The following LRRTM4 variants were observed in gnomAD, a reference collection of about 807,000 sequenced individuals.
LRRTM4 encodes leucine rich repeat transmembrane neuronal 4.
LRRTM4 carries 25 observed loss-of-function variants against 47.6 expected under a neutral mutation model. The ratio of observed to expected loss-of-function variants is 0.53; its 90% CI spans 0.38 to 0.73. The LOEUF is 0.73. LRRTM4 is among the 30% of genes least tolerant of loss of function. The probability of loss-of-function intolerance (pLI) is 0.00; values close to 1 mark genes in which losing one functional copy is unlikely to be tolerated. For synonymous variants in LRRTM4, 311 were observed against 269.5 expected (o/e 1.15, Z -1.51); for missense variants, 638 against 713.4 (o/e 0.89, Z 1.20).
At chr2:77,224,361 G>A (rs1459348870) in intron 3 of LRRTM4, among the ~76,000 whole-genome samples, 1 of 152,112 alleles carries the variant, frequency 6.6e-6, no homozygotes, top group Admixed American at 6.6e-5. Flanking sequence ...ATGACAAATG[G>A]GATGTAATTA....
chr2:77,419,456 A>G (rs1289272994), intron 3 of LRRTM4, among the ~76,000 whole-genome samples: 2 of 152,170 alleles, frequency 1.3e-5, no homozygotes, highest in African/African-American at 4.8e-5. Context: ...ATTCCCAAAT[A>G]CTTTTAATCA....
chr2:76,783,473 T>C (rs955299257), intron 3 of LRRTM4, among the ~76,000 whole-genome samples: 16 of 152,198 alleles, frequency 1.1e-4, no homozygotes, highest in African/African-American at 3.4e-4. Context: ...TGCCACATCA[T>C]GACCATCTAC....
chr2:76,930,144 T>C (rs751810705), intron 3 of LRRTM4, among the ~76,000 whole-genome samples: 5 of 152,146 alleles, frequency 3.3e-5, no homozygotes, highest in Non-Finnish European at 7.4e-5. Flanking sequence ...AACAAACCCA[T>C]AAAACTTGTC....
intron 3 of LRRTM4, among the ~76,000 whole-genome samples, chr2:77,504,883 A>G (rs926896631): frequency 6.6e-6 from 1 of 151,514 alleles, no homozygotes; most frequent in African/African-American, 2.4e-5. Flanking sequence ...CTTCAAAGAC[A>G]TAAAAGAAAA....
At chr2:77,201,504 C>T (rs1350063732) in intron 3 of LRRTM4, among the ~76,000 whole-genome samples, 2 of 152,052 alleles carry the variant, frequency 1.3e-5, no homozygotes, top group Non-Finnish European at 2.9e-5. Context: ...GTTGACAAAA[C>T]ATTTTCAGAA....
At chr2:76,940,237 C>A (rs1430976470) in intron 3 of LRRTM4, among the ~76,000 whole-genome samples, 2 of 152,016 alleles carry the variant, frequency 1.3e-5, no homozygotes, top group Admixed American at 1.3e-4. Flanking sequence ...ATCGAATCAA[C>A]CTAGAGGTCC....
chr2:77,133,459 T>G (rs959871080), intron 3 of LRRTM4, among the ~76,000 whole-genome samples: 3 of 152,220 alleles, frequency 2.0e-5, no homozygotes, highest in South Asian at 2.1e-4. Context: ...TCCAATTAAC[T>G]TTTTTAAAAA....
chr2:77,029,291 A>G (rs1678569012), intron 3 of LRRTM4, among the ~76,000 whole-genome samples: 2 of 151,932 alleles, frequency 1.3e-5, no homozygotes, highest in Non-Finnish European at 2.9e-5. Flanking sequence ...GTCCCACAAT[A>G]GGCCGTCTGC....
intron 3 of LRRTM4, among the ~76,000 whole-genome samples, chr2:76,921,928 T>C (rs894665540): frequency 6.6e-5 from 10 of 152,098 alleles, no homozygotes; most frequent in African/African-American, 2.4e-4. Context: ...AAAATCACTA[T>C]CTGAAGAGAT....
At chr2:76,948,291 T>C (rs1387763263) in intron 3 of LRRTM4, among the ~76,000 whole-genome samples, 1 of 151,886 alleles carries the variant, frequency 6.6e-6, no homozygotes, top group East Asian at 1.9e-4. Flanking sequence ...CCATAAATCC[T>C]GTTCAATATT....
chr2:76,888,924 A>C (rs1558716130), intron 3 of LRRTM4, among the ~76,000 whole-genome samples: 1 of 151,920 alleles, frequency 6.6e-6, no homozygotes, highest in African/African-American at 2.4e-5. Context: ...CAATTAAGAC[A>C]TGTTATGAAT....
intron 3 of LRRTM4, among the ~76,000 whole-genome samples, chr2:76,837,837 CA>C (rs1188326028): frequency 6.8e-6 from 1 of 146,594 alleles, no homozygotes; most frequent in African/African-American, 2.5e-5. Flanking sequence ...ATTGCAAGGA[CA>C]AAAAACCAAA....
Position 76,808,735 on chromosome 2 carries a change from G to C in LRRTM4, c.1552-59819C>G, listed in dbSNP as rs550258527. 1.6e-4 allele frequency among the ~76,000 whole-genome samples: 24 copies of C among 152,252 alleles called. No homozygotes were observed. In the South Asian group the frequency reaches 4.6e-3, roughly 29 times the overall value. ...TGCCATTACTTGCCCAAATAAGGTG[G>C]AATGTTGTCTGGCCAGGCCACTTTC... On this transcript the variant is annotated intron_variant, in intron 3 of 3. Transcript: ENST00000409884.
At chr2:76,794,905 T>C (rs539337495) in intron 3 of LRRTM4, among the ~76,000 whole-genome samples, 3 of 152,050 alleles carry the variant, frequency 2.0e-5, no homozygotes, top group Non-Finnish European at 4.4e-5. Flanking sequence ...TGTAGAAAAA[T>C]TAAGATTTAA....
At chr2:76,844,606 C>G (rs1291355204) in intron 3 of LRRTM4, among the ~76,000 whole-genome samples, 1 of 151,924 alleles carries the variant, frequency 6.6e-6, no homozygotes, top group Non-Finnish European at 1.5e-5. Context: ...TCAAACAAGC[C>G]AAGAAGCAAA....
chr2:76,840,892 A>AAAT (rs1671655357), intron 3 of LRRTM4, among the ~76,000 whole-genome samples: 1 of 152,096 alleles, frequency 6.6e-6, no homozygotes, highest in Non-Finnish European at 1.5e-5. Context: ...CTAGAACTAG[A>AAAT]AATACCATTT....
intron 3 of LRRTM4, among the ~76,000 whole-genome samples, chr2:77,183,341 C>T (rs1232165743): frequency 6.6e-6 from 1 of 152,158 alleles, no homozygotes; most frequent in African/African-American, 2.4e-5. Flanking sequence ...TGCTCATCAT[C>T]ACTGACCATC....
intron 3 of LRRTM4, among the ~76,000 whole-genome samples, chr2:76,761,298 C>T (rs111317987): frequency 1.3e-5 from 2 of 152,322 alleles, no homozygotes; most frequent in African/African-American, 4.8e-5. Flanking sequence ...TTCTTAAGCT[C>T]ATTACCACTA....
At chr2:77,391,928 T>C (rs1673519616) in intron 3 of LRRTM4, among the ~76,000 whole-genome samples, 1 of 152,006 alleles carries the variant, frequency 6.6e-6, no homozygotes, top group Non-Finnish European at 1.5e-5. Context: ...CAACATATAA[T>C]AGATAACAGA....
Sources: allele counts gnomAD v4.1 joint callset (sites outside exome capture counted in the v4.1 genomes callset), GRCh38; gene constraint gnomAD v4.1.1; transcripts MANE v1.5; gene names NCBI Gene and HGNC (gene_info 2026-07-23, HGNC 2026-07-21).